MYO3A: variants seen among roughly 807,000 people sequenced by gnomAD.
The protein encoded by MYO3A is myosin-IIIa.
Under a neutral mutation model 192.7 loss-of-function variants are expected in MYO3A, and 180 were observed. The observed-to-expected ratio is 0.93, with a 90% CI of 0.83 to 1.06. MYO3A has a LOEUF of 1.06. Among genes scored for constraint, MYO3A ranks in the 50% least tolerant of loss-of-function variants. The probability of loss-of-function intolerance (pLI) is 0.00; values close to 1 mark genes in which losing one functional copy is unlikely to be tolerated. For missense variants in MYO3A, 1,896 were observed against 1,905.0 expected, an observed-to-expected ratio of 1.00 and a Z score of 0.09; for synonymous variants, 628 against 645.3, an observed-to-expected ratio of 0.97 and a Z score of 0.41.
In MYO3A at chr10:26,193,269, A is replaced by G. The variant is rs765976247; in HGVS notation, c.4503A>G (p.Thr1501=). ...RPPRRPRKPK[T]LNNPEDSTYY... The stretch of plus-strand genomic sequence containing the variant: ...CAAGACGACCCCGGAAACCCAAAAC[A>G]TTAAATAACCCTGAAGACTCCACAT... Residue 1501 remains threonine, a synonymous_variant, in exon 32 of 35, where the codon ACA becomes ACG. Transcript: ENST00000642920. 7.1e-5 allele frequency: 115 copies of G among 1,613,940 alleles called. No homozygotes were observed. In the Middle Eastern group the frequency reaches 8.2e-4, roughly 12 times the overall value.
intron 12 of MYO3A, among the ~76,000 whole-genome samples, 160 bp downstream of exon 12, chr10:26,069,044 A>G (rs780009959): frequency 1.3e-5 from 2 of 152,082 alleles, no homozygotes; most frequent in East Asian, 1.9e-4. Context: ...TAGAAGATAG[A>G]GTCAATCTGG....
rs1465698293 is a variant in MYO3A, at chr10:25,934,270, GA to G, written c.-162del. 1.3e-5 allele frequency: 2 copies of G among 152,510 alleles called. No homozygotes were observed. Among genetic ancestry groups the G allele is most frequent in the African/African-American group, 4.8e-5 (2 of 41,468 alleles). 9.4% of individuals were successfully genotyped at this position (152,510 alleles called of 1,614,324 possible). On this transcript the variant is annotated 5_prime_UTR_variant, in exon 1 of 35. Coordinates refer to ENST00000642920, the MANE Select transcript of MYO3A (RefSeq NM_017433.5). ...GGCTGCCCCTGCCCGCCCCTCGAGG[GA>G]GCGCCCGTAGCCAGCGCCCCCGTAA...
intron 4 of MYO3A, among the ~76,000 whole-genome samples, chr10:25,994,562 G>A (rs1253049353): frequency 6.6e-6 from 1 of 152,096 alleles, no homozygotes; most frequent in African/African-American, 2.4e-5. Context: ...CATGATGTTA[G>A]CTGGTTGTTT....
intron 7 of MYO3A, among the ~76,000 whole-genome samples, chr10:26,019,079 C>A (rs1842136194): frequency 6.6e-6 from 1 of 151,998 alleles, no homozygotes. Flanking sequence ...TCATCACAAT[C>A]ATCACAAACG....
At chr10:25,989,565 A>C in intron 4 of MYO3A, among the ~76,000 whole-genome samples, 1 of 152,198 alleles carries the variant, frequency 6.6e-6, no homozygotes, top group Non-Finnish European at 1.5e-5. Context: ...CATGTTTAAC[A>C]TGAAGATGAT....
chr10:26,041,567 T>C (rs1843349865), intron 10 of MYO3A, among the ~76,000 whole-genome samples: 1 of 152,086 alleles, frequency 6.6e-6, no homozygotes, highest in African/African-American at 2.4e-5. Flanking sequence ...ATTTAATTTC[T>C]TTCTTATTTT....
At chr10:26,116,565 A>G (rs1275586143) in intron 17 of MYO3A, among the ~76,000 whole-genome samples, 1 of 152,196 alleles carries the variant, frequency 6.6e-6, no homozygotes, top group African/African-American at 2.4e-5. Flanking sequence ...TTCAACCCAC[A>G]ACAGATGCTA....
chr10:25,966,536 A>G (rs141223656), intron 4 of MYO3A, among the ~76,000 whole-genome samples: 2,096 of 152,332 alleles, frequency 0.014, 50 homozygotes, highest in African/African-American at 0.046. Flanking sequence ...AAGAAGTTCT[A>G]TGTGAGGAGG....
At chr10:26,160,777 T>A (rs1169055184) in intron 26 of MYO3A, among the ~76,000 whole-genome samples, 1 of 152,136 alleles carries the variant, frequency 6.6e-6, no homozygotes, top group Non-Finnish European at 1.5e-5. Context: ...GGACTTAGAT[T>A]GGATTGGGTT....
At chr10:26,175,579 A>G (rs866266293) in intron 30 of MYO3A, among the ~76,000 whole-genome samples, 5 of 152,094 alleles carry the variant, frequency 3.3e-5, no homozygotes, top group African/African-American at 1.2e-4. Flanking sequence ...CTGCACTTGG[A>G]CCCTTCCTTA....
chr10:26,188,362 G>A (rs1249378007), intron 31 of MYO3A, among the ~76,000 whole-genome samples: 1 of 151,988 alleles, frequency 6.6e-6, no homozygotes, highest in Non-Finnish European at 1.5e-5. Context: ...TTGTAAATTT[G>A]TTTGAGTTCA....
intron 17 of MYO3A, among the ~76,000 whole-genome samples, chr10:26,109,410 G>A (rs1838022301): frequency 6.6e-6 from 1 of 152,212 alleles, no homozygotes; most frequent in South Asian, 2.1e-4. Context: ...GTGCTGAGTA[G>A]CATGATGAAA....
intron 28 of MYO3A, 145 bp from the exon 29 acceptor site, chr10:26,170,271 A>G: frequency 1.2e-6 from 1 of 861,786 alleles, no homozygotes; most frequent in Non-Finnish European, 1.8e-6. Context: ...AATGAATCAC[A>G]TTTTTAAGTG....
chr10:26,126,595 G>A (rs1279082529), intron 19 of MYO3A, among the ~76,000 whole-genome samples: 1 of 151,866 alleles, frequency 6.6e-6, no homozygotes, highest in Non-Finnish European at 1.5e-5. Context: ...GTTCTGGTAC[G>A]GTCATCTATA....
At chr10:26,059,301 A>C (rs1039926294) in intron 10 of MYO3A, among the ~76,000 whole-genome samples, 5 of 152,132 alleles carry the variant, frequency 3.3e-5, no homozygotes, top group Non-Finnish European at 5.9e-5. Flanking sequence ...TCTCATCATT[A>C]TGTATTGTAA....
chr10:26,127,921 A>G (rs867707302), intron 19 of MYO3A, among the ~76,000 whole-genome samples: 39 of 152,098 alleles, frequency 2.6e-4, no homozygotes, highest in Non-Finnish European at 2.8e-4. Context: ...ACAAATAACA[A>G]TTCTTTAAAA....
At chr10:25,966,631 T>C (rs1217617243) in intron 4 of MYO3A, among the ~76,000 whole-genome samples, 1 of 152,170 alleles carries the variant, frequency 6.6e-6, no homozygotes, top group Non-Finnish European at 1.5e-5. Context: ...GCCCCCAAAC[T>C]ACTTTTATGA....
intron 4 of MYO3A, among the ~76,000 whole-genome samples, chr10:25,963,480 C>T (rs1161412964): frequency 1.3e-5 from 2 of 152,064 alleles, no homozygotes; most frequent in Non-Finnish European, 2.9e-5. Flanking sequence ...ATGCTACTGC[C>T]CTGGAGGATA....
At chr10:25,991,057 T>G (rs1378916316) in intron 4 of MYO3A, among the ~76,000 whole-genome samples, 1 of 152,214 alleles carries the variant, frequency 6.6e-6, no homozygotes, top group Non-Finnish European at 1.5e-5. Context: ...CAAATGGTAT[T>G]TCTAGTTCTA....
Sources: gnomAD v4.1 joint callset for allele counts (sites outside exome capture counted in the v4.1 genomes callset) on GRCh38, gnomAD v4.1.1 for gene constraint, MANE v1.5 for transcripts, NCBI Gene and HGNC (gene_info 2026-07-23, HGNC 2026-07-21) for gene names.